The following NBAS variants were observed in gnomAD, a reference collection of about 807,000 sequenced individuals.
NBAS encodes NAG/BC035112 fusion.
In NBAS, 219 loss-of-function variants were observed where a neutral mutation model predicts 302.5. The ratio of observed to expected loss-of-function variants is 0.72; its 90% CI spans 0.65 to 0.81. The LOEUF (loss-of-function observed/expected upper bound fraction) is 0.81, where lower values mean the gene tolerates loss of function less well. NBAS is among the 30% of genes least tolerant of loss of function. The pLI is 0.00. For missense variants in NBAS, 2,932 were observed against 2,841.6 expected (o/e 1.03, Z -0.72); for synonymous variants, 1,118 against 1,021.6 (o/e 1.09, Z -1.80).
At chr2:15,072,824 A>C in the NBAS span, among the ~76,000 whole-genome samples, 5 of 152,230 alleles carry the variant, frequency 3.3e-5, no homozygotes, top group Non-Finnish European at 7.3e-5. Context: ...AAAGGCATAC[A>C]AAAGAGCTTA....
chr2:15,344,809 C>A (rs1274599591), intron 35 of NBAS, among the ~76,000 whole-genome samples: 1 of 152,102 alleles, frequency 6.6e-6, no homozygotes, highest in Non-Finnish European at 1.5e-5. Context: ...AAAAACTTAC[C>A]CACCACGATC....
chr2:15,131,678 A>G, the NBAS span, among the ~76,000 whole-genome samples: 1 of 152,212 alleles, frequency 6.6e-6, no homozygotes, highest in African/African-American at 2.4e-5. Context: ...TCTCTGTATT[A>G]AGCAATTCTT....
chr2:14,817,832 A>T, the NBAS span, among the ~76,000 whole-genome samples: 5 of 152,180 alleles, frequency 3.3e-5, no homozygotes, highest in African/African-American at 1.2e-4. Flanking sequence ...AAAAGTAAGA[A>T]TTCCCAACTT....
chr2:15,145,562 G>T, the NBAS span, among the ~76,000 whole-genome samples: 1 of 152,026 alleles, frequency 6.6e-6, no homozygotes, highest in South Asian at 2.1e-4. Flanking sequence ...CTGGCTGCTG[G>T]TCCTAGAGGC....
At chr2:15,116,092 T>C in the NBAS span, among the ~76,000 whole-genome samples, 1 of 152,154 alleles carries the variant, frequency 6.6e-6, no homozygotes, top group Non-Finnish European at 1.5e-5. Flanking sequence ...AAGGAGGGGC[T>C]GGTGTGTAAC....
At chr2:15,449,677 C>G (rs1678915209) in intron 21 of NBAS, among the ~76,000 whole-genome samples, 1 of 152,074 alleles carries the variant, frequency 6.6e-6, no homozygotes, top group South Asian at 2.1e-4. Flanking sequence ...AAACCAATTA[C>G]CCCTACCACC....
chr2:14,800,730 A>G, the NBAS span, among the ~76,000 whole-genome samples: 1 of 151,206 alleles, frequency 6.6e-6, no homozygotes, highest in Non-Finnish European at 1.5e-5. Context: ...TATAAAGTCC[A>G]TAGTACATTG....
intron 32 of NBAS, among the ~76,000 whole-genome samples, chr2:15,365,952 G>T (rs1190560872): frequency 6.6e-6 from 1 of 152,026 alleles, no homozygotes; most frequent in Non-Finnish European, 1.5e-5. Flanking sequence ...GAGTCAAAAA[G>T]ACTTTCCTTA....
chr2:15,476,686 G>T (rs2148590438), intron 13 of NBAS, among the ~76,000 whole-genome samples: 1 of 152,222 alleles, frequency 6.6e-6, no homozygotes, highest in Non-Finnish European at 1.5e-5. Flanking sequence ...CTACACTCCA[G>T]CCTGGGCGAC....
At chr2:15,118,199 T>C in the NBAS span, among the ~76,000 whole-genome samples, 14 of 152,208 alleles carry the variant, frequency 9.2e-5, no homozygotes, top group African/African-American at 3.1e-4. Flanking sequence ...CTATTGATCA[T>C]CGTGTCTTCC....
At chr2:15,383,343 G>A (rs1675136230) in intron 28 of NBAS, 26 bp from the exon 29 acceptor site, 1 of 1,592,480 alleles carries the variant, frequency 6.3e-7, no homozygotes, top group Non-Finnish European at 8.6e-7. Context: ...AAAAAGACAA[G>A]GAAGAGGGAA....
At chr2:15,116,180 G>T in the NBAS span, among the ~76,000 whole-genome samples, 1 of 152,156 alleles carries the variant, frequency 6.6e-6, no homozygotes, top group Non-Finnish European at 1.5e-5. Flanking sequence ...ATGAAGGTTT[G>T]CTCTTCGTTG....
chr2:15,439,999 G>C (rs1025311268), intron 21 of NBAS, among the ~76,000 whole-genome samples: 16 of 152,272 alleles, frequency 1.1e-4, no homozygotes, highest in African/African-American at 2.9e-4. Flanking sequence ...AACAAAGCAG[G>C]CGGGAAGCTC....
At chr2:15,162,418 C>T (rs894633456), downstream of NBAS, among the ~76,000 whole-genome samples, 4 of 152,212 alleles carry the variant, frequency 2.6e-5, no homozygotes, top group African/African-American at 4.8e-5. Flanking sequence ...CTTCGTCTTG[C>T]GCCTGGAGGC....
At chr2:14,886,933 A>C in the NBAS span, among the ~76,000 whole-genome samples, 1 of 152,330 alleles carries the variant, frequency 6.6e-6, no homozygotes, top group Middle Eastern at 3.4e-3. Flanking sequence ...CAAAATGTAA[A>C]AGAGTTGAGG....
intron 28 of NBAS, among the ~76,000 whole-genome samples, chr2:15,392,497 T>A (rs1186785582): frequency 6.6e-6 from 1 of 151,922 alleles, no homozygotes; most frequent in East Asian, 1.9e-4. Flanking sequence ...AATCTGAAGA[T>A]GAAATTAAGA....
At chr2:15,546,974 A>G (rs1380396098) in intron 6 of NBAS, among the ~76,000 whole-genome samples, 3 of 152,228 alleles carry the variant, frequency 2.0e-5, no homozygotes, top group Non-Finnish European at 4.4e-5. Context: ...GGAAACTCGC[A>G]TTTATGGTAT....
intron 48 of NBAS, among the ~76,000 whole-genome samples, chr2:15,200,944 T>A (rs933633654): frequency 5.3e-5 from 8 of 152,200 alleles, no homozygotes; most frequent in African/African-American, 1.9e-4. Flanking sequence ...TCTTTAGAAA[T>A]TTACAAATAT....
At chr2:14,850,036 C>G in the NBAS span, among the ~76,000 whole-genome samples, 35 of 138,236 alleles carry the variant, frequency 2.5e-4, 1 homozygote, top group East Asian at 2.5e-3. Flanking sequence ...AGCAAAATAA[C>G]CAGCTAACAT....
Sources: allele counts gnomAD v4.1 joint callset (sites outside exome capture counted in the v4.1 genomes callset), GRCh38; gene constraint gnomAD v4.1.1; transcripts MANE v1.5; gene names NCBI Gene and HGNC (gene_info 2026-07-23, HGNC 2026-07-21).